The following LMF1 variants were observed in gnomAD, a reference collection of about 807,000 sequenced individuals.
LMF1 encodes the protein transmembrane protein 112.
A neutral mutation model predicts 60.6 loss-of-function variants in LMF1; 68 were observed. The observed-to-expected ratio is 1.12, with a 90% CI of 0.92 to 1.37. The LOEUF (loss-of-function observed/expected upper bound fraction) is 1.37. LMF1 is among the 40% of genes most tolerant of loss of function. The probability of loss-of-function intolerance (pLI) is 0.00; values close to 1 mark genes in which losing one functional copy is unlikely to be tolerated. For synonymous variants in LMF1, 418 were observed against 324.7 expected (o/e 1.29, Z -3.09); for missense variants, 948 against 767.2 (o/e 1.24, Z -2.78).
At chr16:930,055 G>A (rs1208331819) in intron 3 of LMF1, among the ~76,000 whole-genome samples, 1 of 149,880 alleles carries the variant, frequency 6.7e-6, no homozygotes, top group Non-Finnish European at 1.5e-5. Flanking sequence ...CTGGGACAGA[G>A]CCCAGGACAG....
chr16:887,687 T>C lies in LMF1; in HGVS notation c.729+5320A>G, dbSNP rs559613882. On this transcript the variant is annotated intron_variant, in intron 5 of 10. Coordinates refer to ENST00000262301, the MANE Select transcript of LMF1 (RefSeq NM_022773.4). The stretch of plus-strand genomic sequence containing the variant: ...GCAGAGTGCGCGCTCCTAGCATGAA[T>C]GGCCTCTAGCCTCCGAGAGCACCTC... Among the ~76,000 whole-genome samples the C allele has an allele frequency of 5.9e-5, 9 of 152,228 alleles. 1 individual carries two copies. The highest frequency in any genetic ancestry group is 1.9e-4 in the African/African-American group (8 of 41,550).
At chr16:885,525 C>A (rs980278181) in intron 5 of LMF1, among the ~76,000 whole-genome samples, 6 of 152,062 alleles carry the variant, frequency 3.9e-5, no homozygotes, top group African/African-American at 1.4e-4. Context: ...CACACACAGG[C>A]GGAAAGGTAA....
Position 879,708 on chromosome 16 carries a change from G to A in LMF1, c.759C>T (p.Tyr253=). ...ACCACCAGGGTGAGTGGTGCAGGTAGTACGCCACAGGATTGGGCATCGGCT... is the reference window on the plus strand; with the variant it reads ...ACCACCAGGGTGAGTGGTGCAGGTAATACGCCACAGGATTGGGCATCGGCT... ...ETQPMPNPVA[Y]YLHHSPWWFH... is the part of the protein sequence containing the mutation. Residue 253 remains tyrosine, a synonymous_variant, in exon 6 of 11, where the codon TAC becomes TAT. Transcript: ENST00000262301. The A allele has an allele frequency of 6.3e-7, 1 of 1,599,786 alleles. No homozygotes were observed.
chr16:926,479 T>C lies in LMF1; in HGVS notation c.514+7765A>G, dbSNP rs140206299. Among the ~76,000 whole-genome samples the C allele has an allele frequency of 5.7e-3, 861 of 152,360 alleles. 11 individuals are homozygous for C. Among genetic ancestry groups the C allele is most frequent in the African/African-American group, 0.02 (824 of 41,590 alleles). On this transcript the variant is annotated intron_variant, in intron 3 of 10. Coordinates refer to ENST00000262301, the MANE Select transcript of LMF1 (RefSeq NM_022773.4). ...GGATCTGCATACGTGTGTCTGTGTGTGCGCATGTGCGCACGTGTGTTTGCA... is the reference window on the plus strand; with the variant it reads ...GGATCTGCATACGTGTGTCTGTGTGCGCGCATGTGCGCACGTGTGTTTGCA...
Position 870,009 on chromosome 16 carries a change from G to C in LMF1, c.1290C>G (p.Ser430Arg), listed in dbSNP as rs148734358. 6.2e-7 allele frequency: 1 copy of C among 1,612,818 alleles called. No homozygotes were observed. The highest frequency in any genetic ancestry group is 8.5e-7 in the Non-Finnish European group (1 of 1,179,826). The change falls in exon 9 of 11, where the codon AGC becomes AGG. Residue 430 changes from serine to arginine, a missense_variant. Coordinates refer to ENST00000262301, the MANE Select transcript of LMF1 (RefSeq NM_022773.4). ...ILQGTASSNA[S>R]APDAMWEDYE... ...AGTCCTCCCACATGGCATCGGGGGC[G>C]CTGGCGTTGGAGCTGGCTGTGCCCT...
chr16:912,331 G>A (rs2071146770), intron 3 of LMF1, among the ~76,000 whole-genome samples: 1 of 152,162 alleles, frequency 6.6e-6, no homozygotes. Context: ...GAGGACGGGA[G>A]AGTGCAGAGG....
chr16:933,788 C>G, intron 3 of LMF1: 1 of 412,850 alleles, frequency 2.4e-6, no homozygotes, highest in Non-Finnish European at 4.3e-6. Context: ...TTCCCACCCT[C>G]CAGTATTGAC....
intron 6 of LMF1, among the ~76,000 whole-genome samples, 173 bp downstream of exon 6, chr16:879,397 G>C (rs1341409680): frequency 2.6e-5 from 4 of 152,196 alleles, no homozygotes; most frequent in Non-Finnish European, 4.4e-5. Flanking sequence ...TGCAGCCCGG[G>C]ACAGGGCTGC....
chr16:939,265 G>A (rs555907908), intron 2 of LMF1, among the ~76,000 whole-genome samples: 2 of 152,264 alleles, frequency 1.3e-5, no homozygotes, highest in African/African-American at 4.8e-5. Context: ...TCCCCGCCGT[G>A]AGCACGAACC....
chr16:902,984 C>T (rs1249930322), intron 4 of LMF1, among the ~76,000 whole-genome samples: 59 of 56,064 alleles, frequency 1.1e-3, no homozygotes, highest in Middle Eastern at 0.015. Context: ...GTCTCTGCTG[C>T]GTGGTGGTGA....
intron 1 of LMF1, among the ~76,000 whole-genome samples, chr16:969,535 G>C (rs1021238823): frequency 6.6e-6 from 1 of 152,212 alleles, no homozygotes; most frequent in Non-Finnish European, 1.5e-5. Context: ...TTCCCGCGAC[G>C]TGTGTGGCAC....
intron 2 of LMF1, among the ~76,000 whole-genome samples, chr16:938,287 G>A (rs1022454481): frequency 1.2e-4 from 19 of 152,122 alleles, no homozygotes; most frequent in Non-Finnish European, 2.2e-4. Flanking sequence ...CGGCAGGGAT[G>A]GGGCTGGACA....
At chr16:971,358 T>C (rs527938801), upstream of LMF1, among the ~76,000 whole-genome samples, 204 of 152,320 alleles carry the variant, frequency 1.3e-3, no homozygotes, top group African/African-American at 4.6e-3. Context: ...GCTGTGGTCC[T>C]GGGGAAGGTG....
intron 3 of LMF1, among the ~76,000 whole-genome samples, chr16:915,894 G>A (rs1441367302): frequency 6.6e-6 from 1 of 151,378 alleles, no homozygotes; most frequent in African/African-American, 2.4e-5. Flanking sequence ...AGACTTGGGG[G>A]CCTGGGGCAG....
chr16:954,197 C>T (rs1329344478), intron 2 of LMF1, 160 bp downstream of exon 2: 2 of 781,052 alleles, frequency 2.6e-6, no homozygotes, highest in Non-Finnish European at 4.4e-6. Flanking sequence ...GTGGCTGGTG[C>T]ACTGGCCGCT....
intron 2 of LMF1, among the ~76,000 whole-genome samples, chr16:953,183 C>CG: frequency 1.2e-5 from 1 of 81,710 alleles, no homozygotes; most frequent in East Asian, 3.5e-4. Context: ...ACAGACACCC[C>CG]AAACCAGCCT....
At chr16:943,814 CG>C (rs1332059243) in intron 2 of LMF1, among the ~76,000 whole-genome samples, 1 of 151,034 alleles carries the variant, frequency 6.6e-6, no homozygotes, top group Non-Finnish European at 1.5e-5. Context: ...CTCTTTTCTA[CG>C]TGTGCTATCT....
chr16:954,189 G>A (rs1039619762), intron 2 of LMF1, 168 bp downstream of exon 2: 8 of 750,632 alleles, frequency 1.1e-5, no homozygotes, highest in Non-Finnish European at 1.9e-5. Context: ...TGGCTGCTGT[G>A]GCTGGTGCAC....
In LMF1 at chr16:910,995, G is replaced by A; in HGVS notation, c.599C>T (p.Thr200Ile). ...LWTLSRLPQH[T>I]PTSRIVLWGF... ...CCACAGGACAATCCGGGATGTGGGG[G>A]TATGCTGGGGCAGCCTTGACAGCGT... Residue 200 changes from threonine (T) to isoleucine (I), a missense_variant, in exon 4 of 11, where the codon ACC becomes ATC. Thr to Ile is a moderately conservative substitution (Grantham distance 89, BLOSUM62 -1). Coordinates refer to ENST00000262301, the MANE Select transcript of LMF1 (RefSeq NM_022773.4). 2 of 1,613,086 alleles carry A rather than the reference G, an allele frequency of 1.2e-6. No individual in the cohort carries two copies. Among genetic ancestry groups the A allele is most frequent in the Non-Finnish European group, 1.7e-6 (2 of 1,179,890 alleles).
Sources: allele counts gnomAD v4.1 joint callset (sites outside exome capture counted in the v4.1 genomes callset), GRCh38; gene constraint gnomAD v4.1.1; transcripts MANE v1.5; gene names NCBI Gene and HGNC (gene_info 2026-07-23, HGNC 2026-07-21).